Variants in GLI3 observed in about 807,000 individuals in gnomAD.
GLI3 encodes GLI family zinc finger 3.
GLI3 carries 20 observed loss-of-function variants against 100.8 expected under a neutral mutation model. The observed-to-expected ratio is 0.20, with a 90% CI of 0.14 to 0.29. GLI3 has a LOEUF of 0.29. Among genes scored for constraint, GLI3 ranks in the 10% least tolerant of loss-of-function variants. The probability of loss-of-function intolerance (pLI) is 1.00; values close to 1 mark genes in which losing one functional copy is unlikely to be tolerated. For missense variants in GLI3, 2,040 were observed against 2,128.5 expected (o/e 0.96, Z 0.82); for synonymous variants, 938 against 860.5 (o/e 1.09, Z -1.58).
chr7:42,136,337 C>T (rs941484183), intron 3 of GLI3, among the ~76,000 whole-genome samples: 3 of 152,112 alleles, frequency 2.0e-5, no homozygotes, highest in Non-Finnish European at 2.9e-5. Flanking sequence ...GTTACAAAGC[C>T]GAGGTCTGGA....
At chr7:42,126,164 G>C (rs1053420018) in intron 3 of GLI3, among the ~76,000 whole-genome samples, 1 of 152,202 alleles carries the variant, frequency 6.6e-6, no homozygotes, top group East Asian at 1.9e-4. Flanking sequence ...TAGAGGTACT[G>C]ACTTTTCCAA....
At chr7:42,110,398 C>CCA (rs1785678474) in intron 3 of GLI3, among the ~76,000 whole-genome samples, 1 of 152,150 alleles carries the variant, frequency 6.6e-6, no homozygotes, top group African/African-American at 2.4e-5. Flanking sequence ...GGTTGGATGC[C>CCA]TATTATGTGT....
intron 3 of GLI3, among the ~76,000 whole-genome samples, chr7:42,116,903 C>T (rs964420751): frequency 3.3e-5 from 5 of 152,034 alleles, no homozygotes; most frequent in Non-Finnish European, 7.4e-5. Flanking sequence ...CAGCTACTTA[C>T]GGCAATTCTC....
intron 5 of GLI3, among the ~76,000 whole-genome samples, chr7:42,047,911 G>A (rs1784276570): frequency 6.6e-6 from 1 of 152,194 alleles, no homozygotes; most frequent in Non-Finnish European, 1.5e-5. Flanking sequence ...GACATCATCG[G>A]CTTTTGAGGA....
chr7:42,147,535 C>T (rs1025979093), intron 3 of GLI3, among the ~76,000 whole-genome samples: 7 of 152,156 alleles, frequency 4.6e-5, no homozygotes, highest in African/African-American at 1.7e-4. Flanking sequence ...TAACTAGAAA[C>T]AGGTCAGAAA....
intron 3 of GLI3, among the ~76,000 whole-genome samples, chr7:42,091,659 G>GCT (rs1387711136): frequency 6.6e-6 from 1 of 152,166 alleles, no homozygotes; most frequent in Non-Finnish European, 1.5e-5. Context: ...GAATCCAGCC[G>GCT]CTCTCTTCTC....
At chr7:42,129,667 T>A (rs1313387519) in intron 3 of GLI3, among the ~76,000 whole-genome samples, 3 of 152,030 alleles carry the variant, frequency 2.0e-5, no homozygotes, top group Non-Finnish European at 4.4e-5. Context: ...AAAAATTAGC[T>A]GGGTGAGGTG....
At chr7:41,998,290 G>A (rs1473758445) in intron 10 of GLI3, among the ~76,000 whole-genome samples, 4 of 152,146 alleles carry the variant, frequency 2.6e-5, no homozygotes, top group Admixed American at 2.6e-4. Context: ...ATGTGACAGA[G>A]AACACTGTAT....
At chr7:42,199,766 C>T (rs539567894) in intron 2 of GLI3, among the ~76,000 whole-genome samples, 1 of 152,132 alleles carries the variant, frequency 6.6e-6, no homozygotes, top group African/African-American at 2.4e-5. Context: ...ATATAAAGAC[C>T]TATACCTGGC....
intron 2 of GLI3, among the ~76,000 whole-genome samples, chr7:42,184,084 C>G (rs932876782): frequency 1.3e-5 from 2 of 152,348 alleles, no homozygotes; most frequent in African/African-American, 4.8e-5. Flanking sequence ...ATGCGTCACT[C>G]ATGCAAAACA....
intron 3 of GLI3, among the ~76,000 whole-genome samples, chr7:42,130,697 C>T (rs1786254485): frequency 6.6e-6 from 1 of 152,076 alleles, no homozygotes. Flanking sequence ...AGAGAAAACA[C>T]AGCAGATAAA....
intron 1 of GLI3, among the ~76,000 whole-genome samples, chr7:42,246,408 C>T (rs1788972060): frequency 6.6e-6 from 1 of 152,152 alleles, no homozygotes; most frequent in Non-Finnish European, 1.5e-5. Context: ...CCAACATACT[C>T]TGTATGCAGG....
intron 1 of GLI3, among the ~76,000 whole-genome samples, chr7:42,228,846 G>A (rs984247632): frequency 1.1e-4 from 16 of 152,158 alleles, no homozygotes; most frequent in African/African-American, 3.6e-4. Flanking sequence ...TCGCCTCATT[G>A]TCTTGAGCTC....
At chr7:42,119,690 G>C (rs73092600) in intron 3 of GLI3, among the ~76,000 whole-genome samples, 1 of 152,124 alleles carries the variant, frequency 6.6e-6, no homozygotes, top group African/African-American at 2.4e-5. Context: ...CAAGGGTGAC[G>C]GTTTGGCAGG....
chr7:42,235,692 C>T (rs1028560444), intron 1 of GLI3, among the ~76,000 whole-genome samples: 38 of 152,136 alleles, frequency 2.5e-4, no homozygotes, highest in Admixed American at 1.6e-3. Context: ...ACTAATAATA[C>T]CAGCCCGGCT....
At chr7:42,242,314 A>G (rs149133866), upstream of GLI3, among the ~76,000 whole-genome samples, 1 of 152,348 alleles carries the variant, frequency 6.6e-6, no homozygotes, top group Non-Finnish European at 1.5e-5. Context: ...CTACAGCCTT[A>G]TACTTGCAGC....
intron 10 of GLI3, among the ~76,000 whole-genome samples, chr7:42,008,843 G>T (rs1458131545): frequency 6.6e-6 from 1 of 152,146 alleles, no homozygotes; most frequent in Non-Finnish European, 1.5e-5. Context: ...GTTGATTAAA[G>T]GTCCTATGTT....
rs1420523974 is a variant in GLI3, at chr7:41,968,751, AGAAAGAAAGAAG to A, written c.2104-840_2104-829del. 9.2e-3 allele frequency among the ~76,000 whole-genome samples: 942 copies of A among 102,370 alleles called. 4 individuals carry two copies. The highest frequency in any genetic ancestry group is 0.035 in the Middle Eastern group (8 of 228). The allele number at this position is 102,370 out of a possible 152,430, so 67.2% of individuals were successfully genotyped here. Reference sequence around the variant, plus strand: ...AAGAAAGAAAGAAAGAAAGAAAGAAAGAAAGAAAGAAGGAAAGAAAGAAAGAAAGAAAGAAAG... The same window carrying A: ...AAGAAAGAAAGAAAGAAAGAAAGAAAGAAAGAAAGAAAGAAAGAAAGAAAG... On this transcript the variant is annotated intron_variant, in intron 13 of 14. Coordinates refer to ENST00000395925, the MANE Select transcript of GLI3 (RefSeq NM_000168.6).
chr7:42,254,700 G>C (rs1789067804), intron 1 of GLI3, among the ~76,000 whole-genome samples: 6 of 151,780 alleles, frequency 4.0e-5, no homozygotes, highest in Admixed American at 3.9e-4. Flanking sequence ...ATTTTTTTCT[G>C]TAATGAAACC....
Sources: allele counts gnomAD v4.1 joint callset (sites outside exome capture counted in the v4.1 genomes callset), GRCh38; gene constraint gnomAD v4.1.1; transcripts MANE v1.5; gene names NCBI Gene and HGNC (gene_info 2026-07-23, HGNC 2026-07-21).